Variants in THRA observed in about 807,000 individuals in gnomAD.
THRA encodes the protein thyroid hormone receptor alpha.
In THRA, 13 loss-of-function variants were observed where a neutral mutation model predicts 45.0. That is an observed-to-expected ratio of 0.29 (90% confidence interval 0.19 to 0.46). The LOEUF (loss-of-function observed/expected upper bound fraction) is 0.46. THRA is among the 20% of genes least tolerant of loss of function. The probability of loss-of-function intolerance (pLI) is 1.00; values close to 1 mark genes in which losing one functional copy is unlikely to be tolerated. For missense variants in THRA, 278 were observed against 556.1 expected, an observed-to-expected ratio of 0.50 and a Z score of 5.03; for synonymous variants, 195 against 214.0, an observed-to-expected ratio of 0.91 and a Z score of 0.78.
chr17:40,074,540 A>C lies in THRA; in HGVS notation c.52A>C (p.Ser18Arg). The change falls in exon 2 of 9, where the codon AGT becomes CGT. Residue 18 changes from serine (S) to arginine (R), a missense_variant and splice_region_variant. This residue lies in a region of THRA where 34 missense variants were observed against 39.7 expected (regional missense o/e 0.86). Transcript: ENST00000450525. ...GTGTGGGTCAGACCCAGAGGAGAAC[A>C]GGTAATGGGTTCAGCAACTAGGTCA... ...VECGSDPEEN[S>R]ARSPDGKRKR... The C allele has an allele frequency of 6.2e-7, 1 of 1,614,100 alleles. No homozygotes were observed. Among genetic ancestry groups the C allele is most frequent in the Non-Finnish European group, 8.5e-7 (1 of 1,179,944 alleles).
intron 7 of THRA, among the ~76,000 whole-genome samples, chr17:40,087,175 AAC>A (rs1338075617): frequency 1.4e-5 from 2 of 141,672 alleles, no homozygotes; most frequent in East Asian, 2.1e-4. Flanking sequence ...GATACATAGA[AAC>A]ACACACAGAC....
At chr17:40,085,645 ATT>A (rs1309369614) in intron 6 of THRA, among the ~76,000 whole-genome samples, 11 of 138,012 alleles carry the variant, frequency 8.0e-5, no homozygotes, top group Non-Finnish European at 7.9e-5. Context: ...TCTATGAATA[ATT>A]TTTTTTTTTT....
At chr17:40,078,836 A>G (rs1987041897) in intron 4 of THRA, among the ~76,000 whole-genome samples, 1 of 147,398 alleles carries the variant, frequency 6.8e-6, no homozygotes, top group Non-Finnish European at 1.5e-5. Flanking sequence ...GGTTCAAGCG[A>G]TTCTCCTGCT....
At position 40,091,264 on chromosome 17, in the gene THRA, A is replaced by ACACACACACACACACACG. The variant is rs979262816; in HGVS notation, c.*1815_*1816insACACACACACGCACACAC. The ACACACACACACACACACG allele has an allele frequency of 1.3e-5, 2 of 155,604 alleles. No homozygotes were observed. The highest frequency in any genetic ancestry group is 4.9e-5 in the African/African-American group (2 of 40,852). The allele number at this position is 155,604 out of a possible 1,614,324, so 9.6% of individuals were successfully genotyped here. On this transcript the variant is annotated 3_prime_UTR_variant, in exon 9 of 9. Transcript: ENST00000450525. ...CACACACACACACACACACACACAC[A>ACACACACACACACACACG]CACACACGGACATGCACACACGGAC...
At position 40,092,318 on chromosome 17, in the gene THRA, C is replaced by CG. The variant is rs3834609; in HGVS notation, c.*2869dup. 43,465 of 102,440 alleles carry CG rather than the reference C, an allele frequency of 0.42. 7,112 individuals carry two copies. Among genetic ancestry groups the CG allele is most frequent in the Middle Eastern group, 0.54 (110 of 202 alleles). 6.3% of individuals were successfully genotyped at this position (102,440 alleles called of 1,614,324 possible). ...AACTCCTGCCCTGGGAACTCCTGGG[C>CG]GGGGGGGAGGGGGACACTGCCCAGA... is the stretch of plus-strand genomic sequence containing the variant. On this transcript the variant is annotated 3_prime_UTR_variant, in exon 9 of 9. Coordinates refer to ENST00000450525, the MANE Select transcript of THRA (RefSeq NM_199334.5).
chr17:40,089,552 T>C lies in THRA; in HGVS notation c.*96T>C. On this transcript the variant is annotated 3_prime_UTR_variant, in exon 9 of 9. Transcript: ENST00000450525. The surrounding 1 kb of genome is among the most constrained non-coding windows in gnomAD (Gnocchi z 6.1). ...CTGAGGGAGACCCCCCCACACCCCT[T>C]CTCTCCTTCCTCTCGTCCTTGGATA... 1 of 1,503,666 alleles carries C rather than the reference T, an allele frequency of 6.7e-7. No individual in the cohort carries two copies. Among genetic ancestry groups the C allele is most frequent in the Non-Finnish European group, 8.9e-7 (1 of 1,129,584 alleles). 93.1% of individuals were successfully genotyped at this position (1,503,666 alleles called of 1,614,324 possible). A position where few individuals can be genotyped will look rare whatever the true frequency, so the allele number is the denominator to read the frequency against.
At chr17:40,080,717 C>CTTT (rs755937821) in intron 4 of THRA, among the ~76,000 whole-genome samples, 6 of 99,278 alleles carry the variant, frequency 6.0e-5, no homozygotes, top group Non-Finnish European at 8.3e-5. Context: ...CCTTTGGTGA[C>CTTT]TTTTTTTTTT....
intron 4 of THRA, among the ~76,000 whole-genome samples, chr17:40,079,239 C>T (rs1232726137): frequency 6.6e-6 from 1 of 151,784 alleles, no homozygotes; most frequent in Non-Finnish European, 1.5e-5. Flanking sequence ...TTTTGGGAGG[C>T]CTAATTGTTT....
At chr17:40,071,371 G>A (rs913247388) in intron 1 of THRA, among the ~76,000 whole-genome samples, 2 of 152,200 alleles carry the variant, frequency 1.3e-5, no homozygotes, top group Non-Finnish European at 2.9e-5. Flanking sequence ...GGGACGGCTC[G>A]GCAGTGGGAA....
intron 6 of THRA, 63 bp downstream of exon 6, chr17:40,084,878 G>C (rs113761201): frequency 1.2e-5 from 19 of 1,577,586 alleles, no homozygotes; most frequent in Non-Finnish European, 1.6e-5. Context: ...GAGTGAGCTC[G>C]GAGTCTTGCC....
At chr17:40,073,480 C>G (rs781303634) in intron 1 of THRA, among the ~76,000 whole-genome samples, 3 of 152,168 alleles carry the variant, frequency 2.0e-5, no homozygotes, top group African/African-American at 4.8e-5. Flanking sequence ...TACAGATTCT[C>G]TCTCCAGTTA....
chr17:40,083,830 C>T lies in THRA; in HGVS notation c.223-5C>T. The T allele has an allele frequency of 6.3e-7, 1 of 1,598,514 alleles. No individual in the cohort carries two copies. The highest frequency in any genetic ancestry group is 8.5e-7 in the Non-Finnish European group (1 of 1,171,388). ...TCACAGCCTGCTCCATCTCCCCCAC[C>T]CCAGGGCTTCTTTCGCCGCACAATC... On this transcript the variant is annotated splice_polypyrimidine_tract_variant and splice_region_variant and intron_variant, in intron 4 of 8. Transcript: ENST00000450525.
chr17:40,063,376 GTC>G (rs897928443), intron 1 of THRA, among the ~76,000 whole-genome samples: 1 of 152,140 alleles, frequency 6.6e-6, no homozygotes, highest in African/African-American at 2.4e-5. Flanking sequence ...CCCGGCCTCT[GTC>G]CGGCCAGTCT....
At chr17:40,076,739 T>G (rs1986967968) in intron 2 of THRA, 132 bp from the exon 3 acceptor site, 2 of 889,762 alleles carry the variant, frequency 2.2e-6, no homozygotes, top group East Asian at 5.3e-5. Flanking sequence ...CAGCTGACCC[T>G]GGGGGGTGGG....
chr17:40,064,704 G>A (rs1986490473), intron 1 of THRA, among the ~76,000 whole-genome samples: 1 of 152,172 alleles, frequency 6.6e-6, no homozygotes, highest in African/African-American at 2.4e-5. Context: ...TGAGCTCTTG[G>A]AGACCTGGGA....
Position 40,092,836 on chromosome 17 carries a change from A to G in THRA, c.*3380A>G. On this transcript the variant is annotated 3_prime_UTR_variant, in exon 9 of 9. Transcript: ENST00000450525. ...ATTTGAGACAGGAACAGAACAAATCAGAGGGCCAGGGGAGGGTTGTGGGGG... is the reference window on the plus strand; with the variant it reads ...ATTTGAGACAGGAACAGAACAAATCGGAGGGCCAGGGGAGGGTTGTGGGGG... The G allele has an allele frequency of 1.2e-6, 1 of 844,622 alleles. No individual in the cohort carries two copies. Among genetic ancestry groups the G allele is most frequent in the East Asian group, 2.7e-5 (1 of 36,692 alleles). 52.3% of individuals were successfully genotyped at this position (844,622 alleles called of 1,614,324 possible).
chr17:40,082,481 T>C (rs1987175239), intron 4 of THRA, among the ~76,000 whole-genome samples: 1 of 151,978 alleles, frequency 6.6e-6, no homozygotes, highest in East Asian at 1.9e-4. Context: ...GCGATTCTCC[T>C]GCCTCAGCCT....
At chr17:40,075,966 C>T (rs559637609) in intron 2 of THRA, among the ~76,000 whole-genome samples, 2 of 152,318 alleles carry the variant, frequency 1.3e-5, no homozygotes, top group Admixed American at 1.3e-4. Flanking sequence ...GAGGAAGGGG[C>T]CTGCAACATG....
Position 40,089,325 on chromosome 17 carries a change from C to G in THRA, c.1102C>G (p.Leu368Val). ...CATTCCGCACTTCTGGCCCAAGCTG[C>G]TGATGAAGGTGACTGACCTCCGCAT... ...HNIPHFWPKL[L>V]MKVTDLRMIG... The change falls in exon 9 of 9, where the codon CTG becomes GTG. Residue 368 changes from leucine (L) to valine (V), a missense_variant. Physicochemically the swap from Leu to Val is conservative, Grantham distance 32 (BLOSUM62 1). Transcript: ENST00000450525. The surrounding 1 kb of genome is among the most constrained non-coding windows in gnomAD (Gnocchi z 6.1). 1 of 1,614,194 alleles carries G rather than the reference C, an allele frequency of 6.2e-7. No homozygotes were observed.
Sources: allele counts gnomAD v4.1 joint callset (sites outside exome capture counted in the v4.1 genomes callset), GRCh38; gene constraint gnomAD v4.1.1; regional missense constraint gnomAD v4.1.1; non-coding constraint Gnocchi (gnomAD v3.1); transcripts MANE v1.5; gene names NCBI Gene and HGNC (gene_info 2026-07-23, HGNC 2026-07-21).